The following SMOC1 variants were observed in gnomAD, a reference collection of about 807,000 sequenced individuals.
SMOC1 encodes SPARC-related modular calcium-binding protein 1.
Under a neutral mutation model 56.3 loss-of-function variants are expected in SMOC1, and 22 were observed. That is an observed-to-expected ratio of 0.39 (90% confidence interval 0.28 to 0.56). SMOC1 has a LOEUF of 0.56. Ranked by LOEUF, SMOC1 falls within the 20% of genes least tolerant of loss-of-function variation. SMOC1 has a pLI of 0.61. For synonymous variants in SMOC1, 193 were observed against 215.0 expected (o/e 0.90, Z 0.89); for missense variants, 509 against 565.4 (o/e 0.90, Z 1.01).
intron 1 of SMOC1, among the ~76,000 whole-genome samples, chr14:69,942,989 T>A (rs2139419222): frequency 6.6e-6 from 1 of 151,956 alleles, no homozygotes; most frequent in South Asian, 2.1e-4. Flanking sequence ...CCCTGGCCCA[T>A]CATCCCTGTG....
rs1158008956 is a variant in SMOC1, at chr14:70,010,829, T to C, written c.740T>C (p.Val247Ala). 1.2e-6 allele frequency: 2 copies of C among 1,614,198 alleles called. No homozygotes were observed. The highest frequency in any genetic ancestry group is 1.1e-5 in the South Asian group (1 of 91,082). The stretch of plus-strand genomic sequence containing the variant: ...CAGCAGAATCCCCGTGAGGGTATTG[T>C]CATCCCTGAATGTGCCCCTGGGGGA... Reference protein sequence around the residue: ...EAQQNPREGIVIPECAPGGLY... With the variant: ...EAQQNPREGIAIPECAPGGLY... Residue 247 changes from valine (V) to alanine (A), a missense_variant, in exon 8 of 12, where the codon GTC becomes GCC. Physicochemically the swap from Val to Ala is moderately conservative, Grantham distance 64. This residue lies in a region of SMOC1 where 315 missense variants were observed against 333.1 expected (regional missense o/e 0.95). Coordinates refer to ENST00000361956, the MANE Select transcript of SMOC1 (RefSeq NM_001034852.3).
rs1204962640 is a variant in SMOC1, at chr14:70,031,102, C to G, written c.*844C>G. The G allele has an allele frequency of 6.6e-6, 1 of 152,154 alleles. No individual in the cohort carries two copies. The highest frequency in any genetic ancestry group is 1.5e-5 in the Non-Finnish European group (1 of 68,034). 9.4% of individuals were successfully genotyped at this position (152,154 alleles called of 1,614,324 possible). A position where few individuals can be genotyped will look rare whatever the true frequency, so the allele number is the denominator to read the frequency against. ...AATTATCCACAAAGGATTTGCATTA[C>G]GTCACTCGAAACGTTTTCATCCATG... On this transcript the variant is annotated 3_prime_UTR_variant, in exon 12 of 12. Transcript: ENST00000361956.
intron 1 of SMOC1, among the ~76,000 whole-genome samples, chr14:69,887,669 T>C (rs1460787226): frequency 1.3e-5 from 2 of 152,160 alleles, no homozygotes; most frequent in African/African-American, 4.8e-5. Flanking sequence ...TGGGGAGTGA[T>C]TTTGGCTTCT....
intron 1 of SMOC1, among the ~76,000 whole-genome samples, chr14:69,936,838 A>G (rs1195654432): frequency 6.6e-6 from 1 of 152,136 alleles, no homozygotes; most frequent in African/African-American, 2.4e-5. Context: ...GACAGTCACT[A>G]TTAACATTTT....
chr14:69,884,532 C>A (rs1305021326), intron 1 of SMOC1, among the ~76,000 whole-genome samples: 3 of 151,962 alleles, frequency 2.0e-5, no homozygotes, highest in African/African-American at 7.3e-5. Flanking sequence ...TGGAGCTTTC[C>A]CCCTATGTTT....
At chr14:69,981,969 G>T (rs1265894837) in intron 5 of SMOC1, among the ~76,000 whole-genome samples, 1 of 152,150 alleles carries the variant, frequency 6.6e-6, no homozygotes, top group Non-Finnish European at 1.5e-5. Context: ...GGGTGAAGGG[G>T]GGCAGTGGTG....
intron 1 of SMOC1, among the ~76,000 whole-genome samples, chr14:69,939,143 G>A (rs1882455603): frequency 6.6e-6 from 1 of 152,194 alleles, no homozygotes. Flanking sequence ...GTATTAGTCT[G>A]TTCTCACGCT....
At chr14:69,953,620 T>A (rs940254950) in intron 3 of SMOC1, 88 bp downstream of exon 3, 69 of 1,097,064 alleles carry the variant, frequency 6.3e-5, no homozygotes, top group Non-Finnish European at 9.4e-5. Flanking sequence ...CTTGGCGCCT[T>A]CACTTTCTGG....
At chr14:69,916,658 T>C (rs1884694470) in intron 1 of SMOC1, among the ~76,000 whole-genome samples, 1 of 152,256 alleles carries the variant, frequency 6.6e-6, no homozygotes, top group Admixed American at 6.5e-5. Flanking sequence ...TGGAATGTTC[T>C]CTCCCTAGAA....
intron 11 of SMOC1, among the ~76,000 whole-genome samples, chr14:70,027,958 C>T (rs561513035): frequency 5.3e-5 from 8 of 152,198 alleles, no homozygotes; most frequent in Admixed American, 3.9e-4. Context: ...GGGAGCAGAG[C>T]CTATGCGTCG....
intron 7 of SMOC1, among the ~76,000 whole-genome samples, chr14:70,007,690 G>A (rs1885194927): frequency 2.0e-5 from 3 of 152,226 alleles, no homozygotes; most frequent in Admixed American, 6.5e-5. Context: ...CTGGCTGAGT[G>A]AACTTGGGAA....
At chr14:69,975,228 A>T (rs1303733360) in intron 3 of SMOC1, among the ~76,000 whole-genome samples, 3 of 152,064 alleles carry the variant, frequency 2.0e-5, no homozygotes, top group Non-Finnish European at 2.9e-5. Flanking sequence ...TTGTAATCCT[A>T]GCTACTTGGG....
chr14:69,947,125 CT>C (rs1882813848), intron 1 of SMOC1, among the ~76,000 whole-genome samples: 1 of 151,134 alleles, frequency 6.6e-6, no homozygotes, highest in Non-Finnish European at 1.5e-5. Context: ...TCCTTCCTTC[CT>C]TCCCTCCCTC....
intron 5 of SMOC1, among the ~76,000 whole-genome samples, chr14:69,984,719 G>T (rs972123680): frequency 4.6e-5 from 7 of 151,982 alleles, no homozygotes; most frequent in Admixed American, 1.3e-4. Flanking sequence ...GCCAGGCATG[G>T]TGGCACGTGC....
At chr14:70,026,312 C>G (rs1465318516) in intron 11 of SMOC1, among the ~76,000 whole-genome samples, 2 of 152,206 alleles carry the variant, frequency 1.3e-5, no homozygotes, top group African/African-American at 4.8e-5. Context: ...CCTTCGGCCC[C>G]CTTCCCGTGC....
intron 7 of SMOC1, among the ~76,000 whole-genome samples, chr14:70,003,281 G>C (rs1885033361): frequency 6.6e-6 from 1 of 152,090 alleles, no homozygotes; most frequent in African/African-American, 2.4e-5. Context: ...TGGCTCAGTG[G>C]GACAACTCCT....
At chr14:70,014,787 C>A (rs1885449047) in intron 10 of SMOC1, among the ~76,000 whole-genome samples, 1 of 152,150 alleles carries the variant, frequency 6.6e-6, no homozygotes. Flanking sequence ...GAGCGTTAGT[C>A]CCCCGGCATC....
At chr14:69,982,932 G>A (rs990534523) in intron 5 of SMOC1, among the ~76,000 whole-genome samples, 9 of 152,230 alleles carry the variant, frequency 5.9e-5, no homozygotes, top group African/African-American at 1.9e-4. Flanking sequence ...GCCTGAGAGA[G>A]GCAGCTCGTT....
chr14:69,897,644 C>T (rs1037299311), intron 1 of SMOC1, among the ~76,000 whole-genome samples: 12 of 151,916 alleles, frequency 7.9e-5, no homozygotes, highest in Non-Finnish European at 1.8e-4. Flanking sequence ...AGTCCTCTTT[C>T]AAGTAACACT....
Sources: allele counts gnomAD v4.1 joint callset (sites outside exome capture counted in the v4.1 genomes callset), GRCh38; gene constraint gnomAD v4.1.1; regional missense constraint gnomAD v4.1.1; transcripts MANE v1.5; gene names NCBI Gene and HGNC (gene_info 2026-07-23, HGNC 2026-07-21).